The following SSU72 variants were observed in gnomAD, a reference collection of about 807,000 sequenced individuals.
SSU72 encodes RNA polymerase II subunit A C-terminal domain phosphatase SSU72.
In SSU72, 12 loss-of-function variants were observed where a neutral mutation model predicts 22.7. The ratio of observed to expected loss-of-function variants is 0.53; its 90% CI spans 0.34 to 0.86. The LOEUF (loss-of-function observed/expected upper bound fraction) is 0.86. Among genes scored for constraint, SSU72 ranks in the 40% least tolerant of loss-of-function variants. The probability of loss-of-function intolerance (pLI) is 0.02; values close to 1 mark genes in which losing one functional copy is unlikely to be tolerated. For missense variants in SSU72, 151 were observed against 249.8 expected (o/e 0.60, Z 2.67); for synonymous variants, 116 against 98.3 (o/e 1.18, Z -1.06).
chr1:1,552,777 T>A (rs1642469030), intron 2 of SSU72, among the ~76,000 whole-genome samples: 5 of 152,096 alleles, frequency 3.3e-5, no homozygotes, highest in Admixed American at 6.5e-5. Context: ...TCCCTGCACG[T>A]TGGAAGGCCG....
intron 1 of SSU72, among the ~76,000 whole-genome samples, chr1:1,573,248 C>G (rs1471656542): frequency 7.2e-6 from 1 of 139,184 alleles, no homozygotes; most frequent in East Asian, 2.2e-4. Context: ...GATGAAACTC[C>G]GTCTCTACTA....
intron 2 of SSU72, chr1:1,564,352 GAT>G (rs1362378418): frequency 1.1e-6 from 1 of 951,826 alleles, no homozygotes; most frequent in African/African-American, 1.7e-5. Flanking sequence ...GACCTCACCA[GAT>G]GTGTGAAGCA....
chr1:1,567,714 C>T (rs891237385), intron 1 of SSU72, among the ~76,000 whole-genome samples: 3 of 151,952 alleles, frequency 2.0e-5, no homozygotes, highest in Admixed American at 6.6e-5. Flanking sequence ...GTCAGGAGTT[C>T]GACAACAGCC....
intron 2 of SSU72, 59 bp downstream of exon 2, chr1:1,564,713 CG>C: frequency 6.2e-7 from 1 of 1,614,196 alleles, no homozygotes; most frequent in African/African-American, 1.3e-5. Context: ...CCGAGCCACA[CG>C]TAACACCTTC....
At chr1:1,555,130 G>A (rs1053956834) in intron 2 of SSU72, among the ~76,000 whole-genome samples, 7 of 152,164 alleles carry the variant, frequency 4.6e-5, no homozygotes, top group Admixed American at 2.0e-4. Flanking sequence ...CAGGAACACT[G>A]CAGAGCCTGA....
At chr1:1,565,704 ATG>A (rs1333321066) in intron 1 of SSU72, among the ~76,000 whole-genome samples, 7 of 152,276 alleles carry the variant, frequency 4.6e-5, no homozygotes, top group Non-Finnish European at 7.3e-5. Flanking sequence ...CAGAGAACAG[ATG>A]CCGCGATGGG....
chr1:1,560,056 CCT>C (rs1642568934), intron 2 of SSU72, among the ~76,000 whole-genome samples: 1 of 152,118 alleles, frequency 6.6e-6, no homozygotes, highest in African/African-American at 2.4e-5. Flanking sequence ...AGGGTTTTAC[CCT>C]GTTGGCCAGG....
At chr1:1,549,609 C>T (rs1452086624) in intron 2 of SSU72, among the ~76,000 whole-genome samples, 1 of 151,742 alleles carries the variant, frequency 6.6e-6, no homozygotes, top group Admixed American at 6.6e-5. Flanking sequence ...GAGGCCGAGG[C>T]GGATGGCTTA....
At chr1:1,563,925 G>A (rs1293910256) in intron 2 of SSU72, 1 of 152,466 alleles carries the variant, frequency 6.6e-6, no homozygotes, top group Non-Finnish European at 1.5e-5. Context: ...CAGAGATGCT[G>A]GTCAAGGGCG....
At chr1:1,543,397 C>T (rs1466107202) in intron 4 of SSU72, among the ~76,000 whole-genome samples, 1 of 152,234 alleles carries the variant, frequency 6.6e-6, no homozygotes, top group East Asian at 1.9e-4. Context: ...TTCCCTGGAG[C>T]CGTGTCCTGG....
intron 2 of SSU72, among the ~76,000 whole-genome samples, chr1:1,547,562 G>A (rs1409821165): frequency 6.6e-6 from 1 of 152,146 alleles, no homozygotes; most frequent in African/African-American, 2.4e-5. Flanking sequence ...AGGACCAAAG[G>A]GACCACAGAC....
intron 1 of SSU72, among the ~76,000 whole-genome samples, chr1:1,573,354 C>T (rs1570403670): frequency 1.4e-5 from 2 of 145,890 alleles, no homozygotes; most frequent in African/African-American, 2.5e-5. Flanking sequence ...AGCTCGATCT[C>T]GGGAGGCACA....
chr1:1,564,073 A>C lies in SSU72; in HGVS notation c.224+700T>G, dbSNP rs1642628809. ...TGAAAACTACAAATCACTCACTATA[A>C]CAAAATAAGATCCAGAAACTTTCCA... On this transcript the variant is annotated intron_variant, in intron 2 of 4. Transcript: ENST00000291386. 2 of 156,922 alleles carry C rather than the reference A, an allele frequency of 1.3e-5. 1 individual carries two copies. 9.7% of individuals were successfully genotyped at this position (156,922 alleles called of 1,614,324 possible).
At position 1,544,856 on chromosome 1, in the gene SSU72, T is replaced by G. The variant is rs748371635; in HGVS notation, c.364+7A>C. On this transcript the variant is annotated splice_region_variant and intron_variant, in intron 3 of 4. Transcript: ENST00000291386. Reference sequence around the variant, plus strand: ...GAGCCCAGCCCAGCACGCAGCCGCCTCCTCACCTTCCACCACCTGGTCATA... The same window carrying G: ...GAGCCCAGCCCAGCACGCAGCCGCCGCCTCACCTTCCACCACCTGGTCATA... The G allele has an allele frequency of 5.6e-6, 9 of 1,613,952 alleles. No individual in the cohort carries two copies. Among genetic ancestry groups the G allele is most frequent in the East Asian group, 2.2e-5 (1 of 44,874 alleles).
At chr1:1,555,515 A>G (rs1242410586) in intron 2 of SSU72, among the ~76,000 whole-genome samples, 1 of 152,122 alleles carries the variant, frequency 6.6e-6, no homozygotes. Context: ...CATGTGGGTG[A>G]CAAGAACAGC....
At chr1:1,549,650 C>G (rs1281763344) in intron 2 of SSU72, among the ~76,000 whole-genome samples, 2 of 151,362 alleles carry the variant, frequency 1.3e-5, no homozygotes, top group African/African-American at 4.9e-5. Context: ...ACCAGCCTGA[C>G]CAATATGGCA....
chr1:1,574,805 G>GCCGGCCC lies in SSU72; in HGVS notation c.-255_-249dup, dbSNP rs1044568347. On this transcript the variant is annotated 5_prime_UTR_variant, in exon 1 of 5. Transcript: ENST00000291386. The stretch of plus-strand genomic sequence containing the variant: ...CGAGGCCGGGGGCGGCCAACGCCGC[G>GCCGGCCC]CCGGCCCCCGGCGTCCGCAGCAGAG... 1.8e-5 allele frequency: 4 copies of GCCGGCCC among 223,604 alleles called. No individual in the cohort carries two copies. Among genetic ancestry groups the GCCGGCCC allele is most frequent in the African/African-American group, 9.6e-5 (4 of 41,842 alleles). The allele number at this position is 223,604 out of a possible 1,614,324, so 13.9% of individuals were successfully genotyped here.
At chr1:1,564,705 G>T (rs768621008) in intron 2 of SSU72, 68 bp downstream of exon 2, 1 of 1,614,040 alleles carries the variant, frequency 6.2e-7, no homozygotes, top group Admixed American at 1.7e-5. Context: ...TCCTGTGCCC[G>T]AGCCACACGT....
At chr1:1,551,334 G>A (rs1009268447) in intron 2 of SSU72, among the ~76,000 whole-genome samples, 1 of 152,242 alleles carries the variant, frequency 6.6e-6, no homozygotes, top group Non-Finnish European at 1.5e-5. Context: ...TCTCCAGCCT[G>A]CCAGGCATGG....
Sources: allele counts gnomAD v4.1 joint callset (sites outside exome capture counted in the v4.1 genomes callset), GRCh38; gene constraint gnomAD v4.1.1; transcripts MANE v1.5; gene names NCBI Gene and HGNC (gene_info 2026-07-23, HGNC 2026-07-21).